Variants in PARP12 observed in about 807,000 individuals in gnomAD.
PARP12 encodes poly(ADP-ribose) polymerase family member 12.
In PARP12, 59 loss-of-function variants were observed where a neutral mutation model predicts 72.4. That is an observed-to-expected ratio of 0.81 (90% CI 0.66 to 1.01). PARP12 has a LOEUF of 1.01. PARP12 is among the 50% of genes least tolerant of loss of function. PARP12 has a pLI of 0.00. For synonymous variants in PARP12, 403 were observed against 371.4 expected (o/e 1.09, Z -0.98); for missense variants, 851 against 914.0 (o/e 0.93, Z 0.89).
chr7:140,024,995 CA>C (rs2116507347), intron 11 of PARP12, 110 bp from the exon 12 acceptor site: 1 of 925,022 alleles, frequency 1.1e-6, no homozygotes, highest in Non-Finnish European at 1.6e-6. Flanking sequence ...TCTACTCTTC[CA>C]CCCCGCATCT....
chr7:140,062,231 C>T (rs1217375308), intron 1 of PARP12, among the ~76,000 whole-genome samples: 7 of 152,198 alleles, frequency 4.6e-5, no homozygotes, highest in East Asian at 3.9e-4. Context: ...CCCTCCCTCC[C>T]CACCCCACAC....
intron 7 of PARP12, chr7:140,034,573 C>T (rs10256522): frequency 0.48 from 141,873 of 298,514 alleles, 37,116 homozygotes; most frequent in African/African-American, 0.81. Context: ...ATATCAATTA[C>T]ACATGAGTGC....
At chr7:140,046,782 C>A in intron 5 of PARP12, 102 bp downstream of exon 5, 1 of 1,317,692 alleles carries the variant, frequency 7.6e-7, no homozygotes, top group Non-Finnish European at 1.0e-6. Context: ...CAGGCACCTC[C>A]AGACTAGGCT....
chr7:140,062,842 G>C lies in PARP12; in HGVS notation c.6C>G (p.Ala2=). 1.5e-6 allele frequency: 2 copies of C among 1,367,866 alleles called. No homozygotes were observed. The highest frequency in any genetic ancestry group is 1.9e-6 in the Non-Finnish European group (2 of 1,059,130). The allele number at this position is 1,367,866 out of a possible 1,614,324, so 84.7% of individuals were successfully genotyped here. A position where few individuals can be genotyped will look rare whatever the true frequency, so the allele number is the denominator to read the frequency against. The change falls in exon 1 of 12, where the codon GCC becomes GCG. Residue 2 remains alanine (A), a synonymous_variant. Transcript: ENST00000263549. ...TGACCTCACCGACGACGCCGGCCTG[G>C]GCCATGGCCGCTGGGCCTGCTCCCG... M[A]QAGVVGEVTQ...
intron 4 of PARP12, among the ~76,000 whole-genome samples, chr7:140,051,484 G>A (rs1188703036): frequency 6.6e-6 from 1 of 151,674 alleles, no homozygotes; most frequent in Admixed American, 6.6e-5. Flanking sequence ...TCCACCTCCC[G>A]GGTTCAAGTG....
chr7:140,036,145 C>T (rs1816187645), intron 7 of PARP12, among the ~76,000 whole-genome samples: 1 of 152,176 alleles, frequency 6.6e-6, no homozygotes, highest in Admixed American at 6.5e-5. Context: ...ATAAACTGCA[C>T]GTGTGTGCTC....
chr7:140,050,262 C>A (rs1391696885), intron 4 of PARP12, among the ~76,000 whole-genome samples: 1 of 152,210 alleles, frequency 6.6e-6, no homozygotes, highest in East Asian at 1.9e-4. Flanking sequence ...ATACCCAGGC[C>A]AATCCCAATG....
intron 3 of PARP12, 56 bp downstream of exon 3, chr7:140,056,800 C>A: frequency 6.7e-7 from 1 of 1,494,374 alleles, no homozygotes. Flanking sequence ...CCGGGAACCC[C>A]CAGCCCAGGA....
rs1303230281 is a variant in PARP12 at position 140,062,707 on chromosome 7, C to T, written c.141G>A (p.Gly47=). Reference sequence around the variant, plus strand: ...CCGCCCGCACCGCCACCACGAAGCGCCCACGCTGCCGCAGCAGCCGCTCCA... The same window carrying T: ...CCGCCCGCACCGCCACCACGAAGCGTCCACGCTGCCGCAGCAGCCGCTCCA... The part of the protein sequence containing the change: ...DALERLLRQR[G]RFVVAVRAGG... Residue 47 remains glycine, a synonymous_variant, in exon 1 of 12, where the codon GGG becomes GGA. Coordinates refer to ENST00000263549, the MANE Select transcript of PARP12 (RefSeq NM_022750.4). 3.0e-6 allele frequency: 4 copies of T among 1,329,488 alleles called. No homozygotes were observed. In the Admixed American group the frequency reaches 9.0e-5, roughly 30 times the overall value. 82.4% of individuals were successfully genotyped at this position (1,329,488 alleles called of 1,614,324 possible).
intron 8 of PARP12, among the ~76,000 whole-genome samples, chr7:140,031,423 G>C (rs1815934633): frequency 6.6e-6 from 1 of 152,162 alleles, no homozygotes; most frequent in Non-Finnish European, 1.5e-5. Context: ...TGACACTCCT[G>C]TATTATGACT....
In PARP12 at chr7:140,024,769, A is replaced by G; in HGVS notation, c.1897T>C (p.Ser633Pro). Residue 633 changes from serine to proline, a missense_variant, in exon 12 of 12, where the codon TCC becomes CCC. Physicochemically the swap from Ser to Pro is moderately conservative, Grantham distance 74. Around this residue, in one of 3 missense-constraint regions of PARP12, gnomAD observed 347 missense variants for 396.1 expected, o/e 0.88. Coordinates refer to ENST00000263549, the MANE Select transcript of PARP12 (RefSeq NM_022750.4). ...TCCTTGGCCGGCGGACGGACAAAGG[A>G]GGCATTGCCCCTGACGAACTCGCCC... ...LVGEFVRGNA[S>P]FVRPPAKEGW... 6.2e-7 allele frequency: 1 copy of G among 1,614,166 alleles called. No individual in the cohort carries two copies. Among genetic ancestry groups the G allele is most frequent in the Non-Finnish European group, 8.5e-7 (1 of 1,180,028 alleles).
intron 6 of PARP12, chr7:140,041,439 G>A (rs1418500636): frequency 8.3e-6 from 4 of 479,622 alleles, no homozygotes; most frequent in African/African-American, 1.9e-5. Flanking sequence ...ACAGATGGAA[G>A]CTCTTCAAAG....
chr7:140,038,927 A>T (rs978371128), intron 6 of PARP12, among the ~76,000 whole-genome samples: 1 of 152,244 alleles, frequency 6.6e-6, no homozygotes, highest in Non-Finnish European at 1.5e-5. Flanking sequence ...CACAGGTCTC[A>T]CGGGTGCTCT....
At chr7:140,028,807 G>C (rs1815833442) in intron 8 of PARP12, 119 bp from the exon 9 acceptor site, 2 of 824,714 alleles carry the variant, frequency 2.4e-6, no homozygotes, top group Non-Finnish European at 3.8e-6. Context: ...CATATTTCAA[G>C]AGCAGGTAGA....
intron 9 of PARP12, 38 bp from the exon 10 acceptor site, chr7:140,027,444 C>T (rs765767925): frequency 8.1e-6 from 13 of 1,608,334 alleles, no homozygotes; most frequent in Middle Eastern, 1.7e-4. Flanking sequence ...TTACCATCAA[C>T]GTGCAGAATA....
chr7:140,026,358 C>A lies in PARP12; in HGVS notation c.1629-10G>T, dbSNP rs1170796482. On this transcript the variant is annotated splice_polypyrimidine_tract_variant and intron_variant, in intron 10 of 11. Coordinates refer to ENST00000263549, the MANE Select transcript of PARP12 (RefSeq NM_022750.4). ...CATCTGTCCTTTTTGCCTAGAATCA[C>A]AGAAGAATGTGTGCTGGGGGCAGAG... 1.1e-5 allele frequency: 17 copies of A among 1,605,738 alleles called. No homozygotes were observed. The highest frequency in any genetic ancestry group is 1.4e-5 in the Non-Finnish European group (16 of 1,177,972).
chr7:140,041,851 A>G lies in PARP12; in HGVS notation c.987-12T>C, dbSNP rs1387409020. Reference sequence around the variant, plus strand: ...CAGAGCACAGGATCCTACAGAAGAAAAACAGCAGCAGACTGAAAATCCCAC... The same window carrying G: ...CAGAGCACAGGATCCTACAGAAGAAGAACAGCAGCAGACTGAAAATCCCAC... On this transcript the variant is annotated splice_polypyrimidine_tract_variant and intron_variant, in intron 5 of 11. Transcript: ENST00000263549. 1.2e-6 allele frequency: 2 copies of G among 1,600,820 alleles called. No homozygotes were observed. The highest frequency in any genetic ancestry group is 1.1e-5 in the South Asian group (1 of 90,350).
At chr7:140,050,110 A>G (rs1248169506) in intron 4 of PARP12, among the ~76,000 whole-genome samples, 1 of 152,242 alleles carries the variant, frequency 6.6e-6, no homozygotes, top group African/African-American at 2.4e-5. Context: ...AAGAATTGCT[A>G]AAACTATGGA....
At chr7:140,040,395 G>C (rs980108061) in intron 6 of PARP12, among the ~76,000 whole-genome samples, 1 of 152,200 alleles carries the variant, frequency 6.6e-6, no homozygotes, top group Non-Finnish European at 1.5e-5. Context: ...GCTGGTGCTG[G>C]CAAGAGGGGA....
Sources: allele counts gnomAD v4.1 joint callset (sites outside exome capture counted in the v4.1 genomes callset), GRCh38; gene constraint gnomAD v4.1.1; regional missense constraint gnomAD v4.1.1; transcripts MANE v1.5; gene names NCBI Gene and HGNC (gene_info 2026-07-23, HGNC 2026-07-21).